Variants in KAZN observed in about 807,000 individuals in gnomAD.
KAZN encodes kazrin, periplakin interacting protein, also known as kazrin.
KAZN carries 40 observed loss-of-function variants against 87.4 expected under a neutral mutation model. The ratio of observed to expected loss-of-function variants is 0.46; its 90% CI spans 0.36 to 0.60. The LOEUF (loss-of-function observed/expected upper bound fraction) is 0.60. Ranked by LOEUF, KAZN falls within the 20% of genes least tolerant of loss-of-function variation. The pLI is 0.00. For missense variants in KAZN, 898 were observed against 1,073.9 expected (o/e 0.84, Z 2.29); for synonymous variants, 466 against 458.3 (o/e 1.02, Z -0.22).
At chr1:14,748,104 T>C (rs1644310608) in intron 1 of KAZN, among the ~76,000 whole-genome samples, 1 of 152,228 alleles carries the variant, frequency 6.6e-6, no homozygotes, top group Non-Finnish European at 1.5e-5. Flanking sequence ...AACTGGCCCA[T>C]CCTTGGCTAT....
chr1:14,512,439 ATGT>A (rs1670957867), intron 2 of KAZN, among the ~76,000 whole-genome samples: 1 of 152,094 alleles, frequency 6.6e-6, no homozygotes, highest in South Asian at 2.1e-4. Flanking sequence ...ATGTCTACAA[ATGT>A]TGACGAATGT....
chr1:13,986,153 T>G (rs2101094924), intron 1 of KAZN, among the ~76,000 whole-genome samples: 1 of 152,342 alleles, frequency 6.6e-6, no homozygotes, highest in South Asian at 2.1e-4. Context: ...TTCCAATTTT[T>G]CCATATCCTT....
At chr1:14,346,643 A>G (rs578059696) in intron 2 of KAZN, among the ~76,000 whole-genome samples, 8 of 152,200 alleles carry the variant, frequency 5.3e-5, no homozygotes, top group Admixed American at 3.9e-4. Context: ...GGGTACTTAG[A>G]TGTTAGGATG....
chr1:14,375,620 C>T (rs1660843990), intron 2 of KAZN, among the ~76,000 whole-genome samples: 1 of 152,146 alleles, frequency 6.6e-6, no homozygotes. Context: ...GGCACGGTGG[C>T]TCACACCTGT....
At chr1:14,697,719 T>A (rs188381390) in intron 1 of KAZN, among the ~76,000 whole-genome samples, 55 of 152,358 alleles carry the variant, frequency 3.6e-4, no homozygotes, top group Non-Finnish European at 6.2e-4. Flanking sequence ...AAGCTCTTTT[T>A]TGATAAAGGG....
chr1:15,089,362 T>C (rs576776388), intron 8 of KAZN, among the ~76,000 whole-genome samples: 129 of 151,536 alleles, frequency 8.5e-4, no homozygotes, highest in Middle Eastern at 6.8e-3. Flanking sequence ...CCTCCCACCT[T>C]GACCAGGCAA....
intron 2 of KAZN, among the ~76,000 whole-genome samples, chr1:14,589,627 G>T (rs1043407791): frequency 6.6e-5 from 10 of 152,154 alleles, no homozygotes; most frequent in South Asian, 2.1e-4. Context: ...ATCTACGGCC[G>T]CTTCCTACTA....
At chr1:14,953,914 A>G (rs903448154) in intron 1 of KAZN, among the ~76,000 whole-genome samples, 2 of 147,988 alleles carry the variant, frequency 1.4e-5, no homozygotes, top group African/African-American at 2.6e-5. Flanking sequence ...AGTGTGTCAC[A>G]TGGACAACCC....
intron 1 of KAZN, among the ~76,000 whole-genome samples, chr1:14,158,285 TG>T (rs1645638546): frequency 6.6e-6 from 1 of 152,188 alleles, no homozygotes; most frequent in Non-Finnish European, 1.5e-5. Flanking sequence ...TGTGCTTCAT[TG>T]TTTTTTATTC....
chr1:14,498,047 C>T (rs1571798308), intron 2 of KAZN, among the ~76,000 whole-genome samples: 1 of 138,094 alleles, frequency 7.2e-6, no homozygotes, highest in Non-Finnish European at 1.7e-5. Context: ...TCCTTCACCT[C>T]ATTCGTATTC....
chr1:14,269,701 C>G (rs1651773509), intron 2 of KAZN, among the ~76,000 whole-genome samples: 1 of 152,058 alleles, frequency 6.6e-6, no homozygotes, highest in Non-Finnish European at 1.5e-5. Context: ...AATATGGAAA[C>G]TGAAGGAAAT....
At chr1:14,922,019 AT>A (rs1658580063) in intron 1 of KAZN, among the ~76,000 whole-genome samples, 1 of 152,062 alleles carries the variant, frequency 6.6e-6, no homozygotes, top group South Asian at 2.1e-4. Flanking sequence ...GCCAGGTGCT[AT>A]TTTTTTCTTG....
intron 4 of KAZN, among the ~76,000 whole-genome samples, chr1:15,047,332 C>T (rs1210415419): frequency 2.0e-5 from 3 of 152,162 alleles, no homozygotes; most frequent in Non-Finnish European, 1.5e-5. Flanking sequence ...GACCCTTCCT[C>T]GGGGGGTGCC....
At chr1:14,085,287 G>C (rs368517785) in intron 1 of KAZN, among the ~76,000 whole-genome samples, 1 of 152,138 alleles carries the variant, frequency 6.6e-6, no homozygotes, top group African/African-American at 2.4e-5. Flanking sequence ...CATAATTTAC[G>C]TAAGATAAAT....
At chr1:14,965,982 C>CTT (rs71306999) in intron 2 of KAZN, among the ~76,000 whole-genome samples, 7,861 of 129,154 alleles carry the variant, frequency 0.061, 835 homozygotes, top group African/African-American at 0.21. Flanking sequence ...CTTTCCTTTT[C>CTT]TTTTTTTTTT....
At chr1:14,640,877 TC>T (rs753872669) in intron 1 of KAZN, among the ~76,000 whole-genome samples, 95 of 152,314 alleles carry the variant, frequency 6.2e-4, no homozygotes, top group Non-Finnish European at 2.6e-4. Flanking sequence ...CTTGCTGACC[TC>T]CCACGTCCCT....
At chr1:14,649,413 T>G (rs1393665142) in intron 1 of KAZN, among the ~76,000 whole-genome samples, 1 of 152,172 alleles carries the variant, frequency 6.6e-6, no homozygotes, top group Non-Finnish European at 1.5e-5. Flanking sequence ...GAGGTGAAGT[T>G]TTAACCCAGG....
At chr1:14,575,869 A>G (rs80203104) in intron 2 of KAZN, among the ~76,000 whole-genome samples, 2,644 of 152,284 alleles carry the variant, frequency 0.017, 64 homozygotes, top group African/African-American at 0.056. Context: ...GACAGTGTCT[A>G]TACCTTTATT....
In KAZN at chr1:14,914,196, T is replaced by A. The variant is rs1015205761; in HGVS notation, c.227-46488T>A. Among the ~76,000 whole-genome samples the A allele has an allele frequency of 3.3e-5, 5 of 152,308 alleles. No individual in the cohort carries two copies. The South Asian group carries it at 6.2e-4, about 19-fold the overall frequency. ...GCCAAGAATTTGCATTTCTCCTCCA[T>A]GCTCAGGAGAGATGCTGCTGCAGCT... On this transcript the variant is annotated intron_variant, in intron 1 of 14. Transcript: ENST00000376030.
Sources: gnomAD v4.1 joint callset for allele counts (sites outside exome capture counted in the v4.1 genomes callset) on GRCh38, gnomAD v4.1.1 for gene constraint, MANE v1.5 for transcripts, NCBI Gene and HGNC (gene_info 2026-07-23, HGNC 2026-07-21) for gene names.